Variants in ZSCAN5A observed in about 807,000 individuals in gnomAD.
The protein encoded by ZSCAN5A is zinc finger and SCAN domain containing 5A.
Under a neutral mutation model 23.7 loss-of-function variants are expected in ZSCAN5A, and 12 were observed. That is an observed-to-expected ratio of 0.51 (90% CI 0.32 to 0.82). The LOEUF is 0.82. ZSCAN5A is among the 40% of genes least tolerant of loss of function. ZSCAN5A has a pLI of 0.03. For missense variants in ZSCAN5A, 597 were observed against 617.9 expected (o/e 0.97, Z 0.36); for synonymous variants, 257 against 239.9 (o/e 1.07, Z -0.66).
intron 2 of ZSCAN5A, chr19:56,321,367 C>A (rs896225242): frequency 9.3e-6 from 6 of 642,138 alleles, no homozygotes; most frequent in Admixed American, 7.1e-5. Flanking sequence ...AATGTGGACA[C>A]CAGCAGTTGG....
chr19:56,286,637 C>T (rs563819018), intron 2 of ZSCAN5A: 83 of 152,272 alleles, frequency 5.5e-4, no homozygotes, highest in African/African-American at 1.9e-3. Flanking sequence ...AGGTTGTTCC[C>T]GCTGTTCGGT....
intron 2 of ZSCAN5A, among the ~76,000 whole-genome samples, chr19:56,349,422 C>T (rs748380994): frequency 3.9e-5 from 6 of 152,074 alleles, no homozygotes; most frequent in African/African-American, 7.2e-5. Context: ...CTTGGCCGAG[C>T]GCGGTGGCTC....
rs1322451938 is a variant in ZSCAN5A at position 56,223,806 on chromosome 19, T to C, written c.413A>G (p.Tyr138Cys). 6.2e-7 allele frequency: 1 copy of C among 1,613,344 alleles called. No homozygotes were observed. Among genetic ancestry groups the C allele is most frequent in the East Asian group, 2.2e-5 (1 of 44,874 alleles). The change falls in exon 4 of 6, where the codon TAT becomes TGT. Residue 138 changes from tyrosine (Y) to cysteine (C), a missense_variant. Tyr to Cys is a radical substitution (Grantham distance 194, BLOSUM62 -2). This residue lies in a region of ZSCAN5A where 406 missense variants were observed against 353.2 expected (regional missense o/e 1.15). Coordinates refer to ENST00000683990, the MANE Select transcript of ZSCAN5A (RefSeq NM_001322064.3). ...WSVVTFHGKEYIVQDSDIEMA... is the reference protein window; with the variant it reads ...WSVVTFHGKECIVQDSDIEMA... ...CTCGATATCTGAGTCCTGCACAATA[T>C]ATTCCTTTCCGTGGAAGGTGACCAC... is the stretch of plus-strand genomic sequence containing the variant.
chr19:56,237,523 A>G (rs1326269123), intron 2 of ZSCAN5A, among the ~76,000 whole-genome samples: 1 of 152,182 alleles, frequency 6.6e-6, no homozygotes, highest in Non-Finnish European at 1.5e-5. Context: ...ACATAATATT[A>G]AATGCATTTT....
At chr19:56,242,518 T>C (rs1297270422) in intron 2 of ZSCAN5A, among the ~76,000 whole-genome samples, 1 of 152,220 alleles carries the variant, frequency 6.6e-6, no homozygotes, top group African/African-American at 2.4e-5. Flanking sequence ...CTCTGTGTTC[T>C]GTACTTGCTC....
At chr19:56,359,385 T>C (rs186285654) in intron 2 of ZSCAN5A, among the ~76,000 whole-genome samples, 2 of 152,242 alleles carry the variant, frequency 1.3e-5, no homozygotes, top group Admixed American at 6.5e-5. Flanking sequence ...CAGGAAGAAG[T>C]TGAATCCCTG....
At chr19:56,323,082 G>A (rs1255378419) in intron 2 of ZSCAN5A, among the ~76,000 whole-genome samples, 1 of 151,856 alleles carries the variant, frequency 6.6e-6, no homozygotes, top group African/African-American at 2.4e-5. Flanking sequence ...TTTCAGTAGA[G>A]ACGGGGTTTC....
intron 2 of ZSCAN5A, among the ~76,000 whole-genome samples, chr19:56,264,593 G>C (rs2037340005): frequency 6.6e-6 from 1 of 152,226 alleles, no homozygotes; most frequent in Non-Finnish European, 1.5e-5. Flanking sequence ...GTCTGTATCA[G>C]AGGCTGGCAA....
In ZSCAN5A at chr19:56,351,061, C is replaced by A. The variant is rs2041664686; in HGVS notation, c.-358+12174G>T. On this transcript the variant is annotated intron_variant, in intron 2 of 6. Transcript: ENST00000587340. The surrounding 1 kb of genome is among the most constrained non-coding windows in gnomAD (Gnocchi z 4.8). ...AGAATCATCATCTAACACCCCCTAACAGCAGTTAGGTTTACTTCTCTTTGA... is the reference window on the plus strand; with the variant it reads ...AGAATCATCATCTAACACCCCCTAAAAGCAGTTAGGTTTACTTCTCTTTGA... Among the ~76,000 whole-genome samples, 1 of 151,928 alleles carries A rather than the reference C, an allele frequency of 6.6e-6. No individual in the cohort carries two copies. Among genetic ancestry groups the A allele is most frequent in the Admixed American group, 6.6e-5 (1 of 15,248 alleles).
At position 56,277,207 on chromosome 19, in the gene ZSCAN5A, G is replaced by T. The variant is rs190820435; in HGVS notation, c.-128+36076C>A. Among the ~76,000 whole-genome samples, 310 of 152,296 alleles carry T rather than the reference G, an allele frequency of 2.0e-3. 1 individual carries two copies. Among genetic ancestry groups the T allele is most frequent in the Admixed American group, 0.015 (222 of 15,294 alleles). The stretch of plus-strand genomic sequence containing the variant: ...GGTATGTGCCCAAGATAAATGAAAC[G>T]TAAGTCCACACAAAAACCCATGCAC... On this transcript the variant is annotated intron_variant, in intron 2 of 5. Coordinates refer to ENST00000683990, the MANE Select transcript of ZSCAN5A (RefSeq NM_001322064.3).
At chr19:56,319,553 C>G (rs1476460528), upstream of ZSCAN5A, among the ~76,000 whole-genome samples, 1 of 144,910 alleles carries the variant, frequency 6.9e-6, no homozygotes, top group African/African-American at 2.6e-5. Context: ...GCTTTATTCA[C>G]AGTAATGGCT....
intron 2 of ZSCAN5A, among the ~76,000 whole-genome samples, chr19:56,326,698 C>T (rs1013320647): frequency 6.6e-6 from 1 of 152,072 alleles, no homozygotes; most frequent in Non-Finnish European, 1.5e-5. Flanking sequence ...CGTAAATGTG[C>T]GGCATCTCTC....
intron 2 of ZSCAN5A, among the ~76,000 whole-genome samples, chr19:56,228,096 C>T (rs2034123815): frequency 2.0e-5 from 3 of 152,116 alleles, no homozygotes; most frequent in African/African-American, 7.2e-5. Context: ...AGAAGCGTTA[C>T]ATAACGAGTC....
chr19:56,318,170 C>T (rs1323806636), upstream of ZSCAN5A, among the ~76,000 whole-genome samples: 2 of 151,696 alleles, frequency 1.3e-5, no homozygotes, highest in Non-Finnish European at 2.9e-5. Flanking sequence ...TGTGCGTGCA[C>T]GCAAGCATGC....
chr19:56,270,975 C>T (rs115537952), intron 2 of ZSCAN5A, among the ~76,000 whole-genome samples: 88 of 152,350 alleles, frequency 5.8e-4, no homozygotes, highest in African/African-American at 2.0e-3. Context: ...CCCCAGATCA[C>T]AGTCTGGCAG....
In ZSCAN5A at chr19:56,225,182, G is replaced by A. The variant is rs76942232; in HGVS notation, c.-127-9C>T. 737 of 1,408,748 alleles carry A rather than the reference G, an allele frequency of 5.2e-4. 3 individuals are homozygous for A. In the African/African-American group the frequency reaches 8.6e-3, roughly 16 times the overall value. 87.3% of individuals were successfully genotyped at this position (1,408,748 alleles called of 1,614,324 possible). ...ACTGTTCATTCAGAAGTCTGGGGGGGAAAAGTATGAGCCTCATTAGTTTAA... is the reference window on the plus strand; with the variant it reads ...ACTGTTCATTCAGAAGTCTGGGGGGAAAAAGTATGAGCCTCATTAGTTTAA... On this transcript the variant is annotated splice_polypyrimidine_tract_variant and intron_variant, in intron 2 of 5. Transcript: ENST00000683990.
chr19:56,226,741 C>T (rs992276989), intron 2 of ZSCAN5A, among the ~76,000 whole-genome samples: 7 of 152,112 alleles, frequency 4.6e-5, no homozygotes, highest in African/African-American at 1.2e-4. Context: ...GAAATCAGGA[C>T]GTGGACTCCA....
At chr19:56,242,638 C>G (rs1488534298) in intron 2 of ZSCAN5A, among the ~76,000 whole-genome samples, 1 of 152,172 alleles carries the variant, frequency 6.6e-6, no homozygotes, top group Non-Finnish European at 1.5e-5. Flanking sequence ...GGTTGCTTCC[C>G]CCACCTGTGG....
chr19:56,228,331 T>C, intron 2 of ZSCAN5A: 3 of 985,244 alleles, frequency 3.0e-6, no homozygotes, highest in Non-Finnish European at 3.6e-6. Context: ...TGCGTCTATT[T>C]ATGGAGAAGC....
Sources: allele counts gnomAD v4.1 joint callset (sites outside exome capture counted in the v4.1 genomes callset), GRCh38; gene constraint gnomAD v4.1.1; regional missense constraint gnomAD v4.1.1; non-coding constraint Gnocchi (gnomAD v3.1); transcripts MANE v1.5; gene names NCBI Gene and HGNC (gene_info 2026-07-23, HGNC 2026-07-21).